The following EGLN1 variants were observed in gnomAD, a reference collection of about 807,000 sequenced individuals.
EGLN1 encodes egl-9 family hypoxia inducible factor 1, also known as egl nine homolog 1.
A neutral mutation model predicts 38.3 loss-of-function variants in EGLN1; 17 were observed. The ratio of observed to expected loss-of-function variants is 0.44; its 90% CI spans 0.30 to 0.67. EGLN1 has a LOEUF of 0.67. Ranked by LOEUF, EGLN1 falls within the 30% of genes least tolerant of loss-of-function variation. EGLN1 has a pLI of 0.08. For missense variants in EGLN1, 477 were observed against 603.3 expected, an observed-to-expected ratio of 0.79 and a Z score of 2.19; for synonymous variants, 283 against 257.5, an observed-to-expected ratio of 1.10 and a Z score of -0.95.
At chr1:231,403,749 C>CA in intron 1 of EGLN1, among the ~76,000 whole-genome samples, 1 of 109,682 alleles carries the variant, frequency 9.1e-6, no homozygotes, top group East Asian at 2.8e-4. Context: ...GCATGGTCAA[C>CA]AGAGCCAGAC....
chr1:231,371,062 G>T (rs149818597), intron 2 of EGLN1, among the ~76,000 whole-genome samples: 4,873 of 152,180 alleles, frequency 0.032, 262 homozygotes, highest in African/African-American at 0.11. Flanking sequence ...GCTAATTTTT[G>T]CATTTTTAGT....
At chr1:231,376,266 T>C (rs1272625449) in intron 1 of EGLN1, among the ~76,000 whole-genome samples, 2 of 152,208 alleles carry the variant, frequency 1.3e-5, no homozygotes, top group African/African-American at 4.8e-5. Context: ...CTGAAATACC[T>C]TGCAGTCCTG....
chr1:231,393,910 A>C (rs1016608537), intron 1 of EGLN1, among the ~76,000 whole-genome samples: 5 of 152,196 alleles, frequency 3.3e-5, no homozygotes, highest in Non-Finnish European at 7.3e-5. Flanking sequence ...TCAGTCACAA[A>C]GCCCTGTTAA....
At position 231,374,113 on chromosome 1, in the gene EGLN1, A is replaced by G. The variant is rs1257411267; in HGVS notation, c.892-14T>C. 6.2e-7 allele frequency: 1 copy of G among 1,608,248 alleles called. No individual in the cohort carries two copies. The highest frequency in any genetic ancestry group is 8.5e-7 in the Non-Finnish European group (1 of 1,174,942). Reference sequence around the variant, plus strand: ...AGCAACCATGGCCTGTAATAATGATAATAATGATTATTAAAGTCCATGTAT... The same window carrying G: ...AGCAACCATGGCCTGTAATAATGATGATAATGATTATTAAAGTCCATGTAT... On this transcript the variant is annotated splice_polypyrimidine_tract_variant and intron_variant, in intron 1 of 4. Transcript: ENST00000366641.
rs1239319994 is a variant in EGLN1 at position 231,385,151 on chromosome 1, T to C, written c.892-11052A>G. On this transcript the variant is annotated intron_variant, in intron 1 of 4. Coordinates refer to ENST00000366641, the MANE Select transcript of EGLN1 (RefSeq NM_022051.3). ...GACTGGTATGAGATATAAAAGAAGA[T>C]GACTCTAAGGTTTTGGTTTAAGCAA... 2.0e-5 allele frequency among the ~76,000 whole-genome samples: 3 copies of C among 152,208 alleles called. 1 individual carries two copies. Among genetic ancestry groups the C allele is most frequent in the Non-Finnish European group, 4.4e-5 (3 of 68,042 alleles).
chr1:231,370,316 G>T (rs889651238), intron 3 of EGLN1, among the ~76,000 whole-genome samples: 1 of 152,186 alleles, frequency 6.6e-6, no homozygotes, highest in South Asian at 2.1e-4. Context: ...GAAGGCCTGT[G>T]CTTCCCTTTC....
chr1:231,413,874 C>T (rs908229751), intron 1 of EGLN1, among the ~76,000 whole-genome samples: 1 of 150,674 alleles, frequency 6.6e-6, no homozygotes, highest in Non-Finnish European at 1.5e-5. Flanking sequence ...ATTCCAAACT[C>T]ATGAAAACTT....
intron 1 of EGLN1, among the ~76,000 whole-genome samples, chr1:231,389,993 G>C (rs1165898174): frequency 6.6e-6 from 1 of 152,062 alleles, no homozygotes; most frequent in Non-Finnish European, 1.5e-5. Context: ...AGAACAGTGG[G>C]ACTCTGAAGC....
At chr1:231,414,210 A>C (rs1689019636) in intron 1 of EGLN1, among the ~76,000 whole-genome samples, 1 of 152,236 alleles carries the variant, frequency 6.6e-6, no homozygotes, top group South Asian at 2.1e-4. Flanking sequence ...AGAAGGTGGA[A>C]TGTAAGCACA....
At chr1:231,373,705 T>C (rs966365683) in intron 2 of EGLN1, among the ~76,000 whole-genome samples, 1 of 84,320 alleles carries the variant, frequency 1.2e-5, no homozygotes, top group Non-Finnish European at 2.4e-5. Flanking sequence ...TGTGTGTGTA[T>C]GTGTGTGTGT....
intron 1 of EGLN1, among the ~76,000 whole-genome samples, chr1:231,403,260 T>C (rs1417001371): frequency 1.3e-5 from 2 of 152,194 alleles, no homozygotes; most frequent in East Asian, 3.9e-4. Context: ...GTCAAATTGG[T>C]TGATAGTGTT....
At chr1:231,407,010 G>C (rs1482715050) in intron 1 of EGLN1, among the ~76,000 whole-genome samples, 1 of 152,012 alleles carries the variant, frequency 6.6e-6, no homozygotes, top group Non-Finnish European at 1.5e-5. Context: ...AATCATCTGT[G>C]GTAAATATTT....
intron 1 of EGLN1, among the ~76,000 whole-genome samples, chr1:231,387,689 C>T (rs971419867): frequency 2.0e-5 from 3 of 152,106 alleles, no homozygotes; most frequent in African/African-American, 7.2e-5. Flanking sequence ...TTTAAGTATA[C>T]CTAGTGAGTG....
intron 1 of EGLN1, among the ~76,000 whole-genome samples, chr1:231,402,478 A>C (rs1241097391): frequency 1.3e-5 from 2 of 149,958 alleles, no homozygotes; most frequent in African/African-American, 2.5e-5. Context: ...TCTGTCACTG[A>C]GACTGAAGTG....
At chr1:231,418,530 CA>C (rs1045781324) in intron 1 of EGLN1, among the ~76,000 whole-genome samples, 10 of 152,080 alleles carry the variant, frequency 6.6e-5, no homozygotes, top group Non-Finnish European at 1.3e-4. Flanking sequence ...GAAAATCCCT[CA>C]AATGTAAATT....
chr1:231,366,230 G>T lies in EGLN1; in HGVS notation c.*181C>A. The T allele has an allele frequency of 1.5e-6, 1 of 647,764 alleles. No homozygotes were observed. The highest frequency in any genetic ancestry group is 2.7e-6 in the Non-Finnish European group (1 of 366,750). 40.1% of individuals were successfully genotyped at this position (647,764 alleles called of 1,614,324 possible). A position where few individuals can be genotyped will look rare whatever the true frequency, so the allele number is the denominator to read the frequency against. On this transcript the variant is annotated 3_prime_UTR_variant, in exon 5 of 5. Transcript: ENST00000366641. ...CAATCACAGATTTGAAGTTGATCAT[G>T]CAGTACAAAGTCACAGCAGTCAAAA...
At position 231,382,824 on chromosome 1, in the gene EGLN1, G is replaced by A. The variant is rs552648619; in HGVS notation, c.892-8725C>T. On this transcript the variant is annotated intron_variant, in intron 1 of 4. Transcript: ENST00000366641. ...GGTAATCCCAGCACCTTGGGAGGCC[G>A]AGGCAGGTGGATCATCTGAGGTCAG... is the stretch of plus-strand genomic sequence containing the variant. 6.6e-5 allele frequency among the ~76,000 whole-genome samples: 10 copies of A among 152,228 alleles called. No homozygotes were observed. In the East Asian group the frequency reaches 1.4e-3, roughly 21 times the overall value.
intron 1 of EGLN1, among the ~76,000 whole-genome samples, chr1:231,400,719 A>C (rs1688645667): frequency 6.6e-6 from 1 of 152,174 alleles, no homozygotes; most frequent in Admixed American, 6.5e-5. Flanking sequence ...AATAAGGGAA[A>C]GACTCATTTA....
chr1:231,418,343 C>G (rs1043460309), intron 1 of EGLN1, among the ~76,000 whole-genome samples: 1 of 152,198 alleles, frequency 6.6e-6, no homozygotes. Context: ...CCACTTTCAA[C>G]AAAATATATG....
Sources: gnomAD v4.1 joint callset for allele counts (sites outside exome capture counted in the v4.1 genomes callset) on GRCh38, gnomAD v4.1.1 for gene constraint, MANE v1.5 for transcripts, NCBI Gene and HGNC (gene_info 2026-07-23, HGNC 2026-07-21) for gene names.